The following KIRREL3 variants were observed in gnomAD, a reference collection of about 807,000 sequenced individuals.
The protein encoded by KIRREL3 is kirre like nephrin family adhesion molecule 3.
KIRREL3 carries 36 observed loss-of-function variants against 89.7 expected under a neutral mutation model. The observed-to-expected ratio is 0.40, with a 90% CI of 0.31 to 0.53. The LOEUF (loss-of-function observed/expected upper bound fraction) is 0.53. KIRREL3 is among the 20% of genes least tolerant of loss of function. The probability of loss-of-function intolerance (pLI) is 0.49; values close to 1 mark genes in which losing one functional copy is unlikely to be tolerated. For synonymous variants in KIRREL3, 445 were observed against 441.4 expected (o/e 1.01, Z -0.10); for missense variants, 864 against 1,056.6 (o/e 0.82, Z 2.53).
intron 1 of KIRREL3, among the ~76,000 whole-genome samples, chr11:126,819,105 A>G (rs984904829): frequency 3.2e-5 from 2 of 62,884 alleles, no homozygotes; most frequent in Admixed American, 1.9e-4. Flanking sequence ...CTGGACCCCA[A>G]CCAGCCCAGT....
chr11:126,757,480 A>G (rs887730727), intron 1 of KIRREL3, among the ~76,000 whole-genome samples: 7 of 152,170 alleles, frequency 4.6e-5, no homozygotes, highest in African/African-American at 1.7e-4. Context: ...TCAAGGGCCC[A>G]GGAAAGTCAC....
chr11:126,666,229 A>AT lies in KIRREL3; in HGVS notation c.56-103318dup, dbSNP rs1945657917. Reference sequence around the variant, plus strand: ...GAATGCAATTGTCATGTGGCAAGTTATTTCAGGTTTTCTTGTTATCCTCCT... The same window carrying AT: ...GAATGCAATTGTCATGTGGCAAGTTATTTTCAGGTTTTCTTGTTATCCTCCT... On this transcript the variant is annotated intron_variant, in intron 1 of 16. Coordinates refer to ENST00000525144, the MANE Select transcript of KIRREL3 (RefSeq NM_032531.4). The surrounding 1 kb of genome is among the most constrained non-coding windows in gnomAD (Gnocchi z 4.2). Among the ~76,000 whole-genome samples the AT allele has an allele frequency of 1.3e-5, 2 of 152,292 alleles. No individual in the cohort carries two copies. Among genetic ancestry groups the AT allele is most frequent in the Middle Eastern group, 3.4e-3 (1 of 294 alleles).
In KIRREL3 at chr11:126,948,523, G is replaced by A. The variant is rs1320058878; in HGVS notation, c.55+51932C>T. On this transcript the variant is annotated intron_variant, in intron 1 of 16. Coordinates refer to ENST00000525144, the MANE Select transcript of KIRREL3 (RefSeq NM_032531.4). The surrounding 1 kb of genome is among the most constrained non-coding windows in gnomAD (Gnocchi z 4.5). ...AAGAACTAGCATAGTTCTTCCCCAGGGTTATGAGATCAAGAAAACTATGAG... is the reference window on the plus strand; with the variant it reads ...AAGAACTAGCATAGTTCTTCCCCAGAGTTATGAGATCAAGAAAACTATGAG... Among the ~76,000 whole-genome samples, 2 of 152,058 alleles carry A rather than the reference G, an allele frequency of 1.3e-5. No homozygotes were observed. The highest frequency in any genetic ancestry group is 2.9e-5 in the Non-Finnish European group (2 of 68,020).
At position 126,424,548 on chromosome 11, in the gene KIRREL3, C is replaced by T. The variant is rs750283752; in HGVS notation, c.*32G>A. On this transcript the variant is annotated 3_prime_UTR_variant, in exon 17 of 17. Transcript: ENST00000525144. ...AACCAGAACGTGCCCTGACCTCTTC[C>T]CTGGCCCGTCCCCACCCGCGGTGTG... 1.9e-6 allele frequency: 3 copies of T among 1,606,882 alleles called. No individual in the cohort carries two copies. The highest frequency in any genetic ancestry group is 2.2e-5 in the South Asian group (2 of 90,628).
rs777507643 is a variant in KIRREL3 at position 126,473,273 on chromosome 11, C to T, written c.591+36G>A. 3 of 695,190 alleles carry T rather than the reference C, an allele frequency of 4.3e-6. No homozygotes were observed. The South Asian group carries it at 8.1e-5, about 19-fold the overall frequency. 43.1% of individuals were successfully genotyped at this position (695,190 alleles called of 1,614,324 possible). A position where few individuals can be genotyped will look rare whatever the true frequency, so the allele number is the denominator to read the frequency against. ...CCCTCCCCACCCACTCCCCTTGAAG[C>T]CCGTCCACACCCACCCCCTCCCCTC... On this transcript the variant is annotated intron_variant, in intron 5 of 16. Coordinates refer to ENST00000525144, the MANE Select transcript of KIRREL3 (RefSeq NM_032531.4).
intron 1 of KIRREL3, among the ~76,000 whole-genome samples, chr11:126,648,160 C>T (rs1409643011): frequency 6.6e-6 from 1 of 152,222 alleles, no homozygotes; most frequent in African/African-American, 2.4e-5. Context: ...TATGGGCCTA[C>T]TTCCCCTTTG....
At chr11:126,845,952 AC>A (rs1437295732) in intron 1 of KIRREL3, among the ~76,000 whole-genome samples, 3 of 152,112 alleles carry the variant, frequency 2.0e-5, no homozygotes, top group African/African-American at 7.2e-5. Flanking sequence ...GAAAAAACAC[AC>A]AAAAAAAACA....
rs548528858 is a variant in KIRREL3 at position 126,529,484 on chromosome 11, G to A, written c.134-2797C>T. Among the ~76,000 whole-genome samples, 50 of 152,152 alleles carry A rather than the reference G, an allele frequency of 3.3e-4. 2 individuals are homozygous for A. In the South Asian group the frequency reaches 0.01, roughly 32 times the overall value. On this transcript the variant is annotated intron_variant, in intron 2 of 16. Coordinates refer to ENST00000525144, the MANE Select transcript of KIRREL3 (RefSeq NM_032531.4). ...GGCTGAGCGGGAGAGGGCCTTTTGA[G>A]GGGGAGCATCTCCCGATGCCATCTG...
chr11:126,486,853 C>T lies in KIRREL3; in HGVS notation c.434-13387G>A, dbSNP rs1170523713. ...GTAGCTTTAATAGCATCAAGGCAGC[C>T]ATCCTGACCCAGCAAAGGGCCAGGC... On this transcript the variant is annotated intron_variant, in intron 4 of 16. Transcript: ENST00000525144. The surrounding 1 kb of genome is among the most constrained non-coding windows in gnomAD (Gnocchi z 6.2). 2.0e-5 allele frequency among the ~76,000 whole-genome samples: 3 copies of T among 152,196 alleles called. No individual in the cohort carries two copies. The highest frequency in any genetic ancestry group is 4.4e-5 in the Non-Finnish European group (3 of 68,042).
rs1357697237 is a variant in KIRREL3, at chr11:126,954,315, G to C, written c.55+46140C>G. Among the ~76,000 whole-genome samples the C allele has an allele frequency of 6.7e-6, 1 of 149,482 alleles. No individual in the cohort carries two copies. The highest frequency in any genetic ancestry group is 2.1e-4 in the South Asian group (1 of 4,768). On this transcript the variant is annotated intron_variant, in intron 1 of 16. Transcript: ENST00000525144. This position sits in a 1 kb window ranked among gnomAD's most constrained non-coding sequence, Gnocchi z 4.1. ...AGTTGACATTTTATTTTATAGTCAC[G>C]TTAGAGTTGAGTTCAGACTTATTTT... is the stretch of plus-strand genomic sequence containing the variant.
rs1047585831 is a variant in KIRREL3, at chr11:126,976,449, C to T, written c.55+24006G>A. Among the ~76,000 whole-genome samples the T allele has an allele frequency of 2.6e-5, 4 of 152,166 alleles. No individual in the cohort carries two copies. The highest frequency in any genetic ancestry group is 9.7e-5 in the African/African-American group (4 of 41,444). ...GGAGATTTATATGTTTACCTGTCCACTGTTTCTGAATCTACTGTCATCTAC... is the reference window on the plus strand; with the variant it reads ...GGAGATTTATATGTTTACCTGTCCATTGTTTCTGAATCTACTGTCATCTAC... On this transcript the variant is annotated intron_variant, in intron 1 of 16. Coordinates refer to ENST00000525144, the MANE Select transcript of KIRREL3 (RefSeq NM_032531.4). This position sits in a 1 kb window ranked among gnomAD's most constrained non-coding sequence, Gnocchi z 4.2.
rs192693840 is a variant in KIRREL3 at position 126,641,587 on chromosome 11, C to T, written c.56-78675G>A. Among the ~76,000 whole-genome samples, 9 of 152,162 alleles carry T rather than the reference C, an allele frequency of 5.9e-5. No individual in the cohort carries two copies. The highest frequency in any genetic ancestry group is 1.3e-4 in the Admixed American group (2 of 15,288). On this transcript the variant is annotated intron_variant, in intron 1 of 16. Coordinates refer to ENST00000525144, the MANE Select transcript of KIRREL3 (RefSeq NM_032531.4). The surrounding 1 kb of genome is among the most constrained non-coding windows in gnomAD (Gnocchi z 5.0). ...ATGTCTCACCAATCCATTTACAGGT[C>T]GCAGACATTTACAACACCAGCCTCC...
chr11:126,613,478 G>C lies in KIRREL3; in HGVS notation c.56-50566C>G, dbSNP rs139928139. ...TTTTCCACCCACTCTGCAATCATTT[G>C]ATTGATGTGCAATTACCTCCCCCTG... On this transcript the variant is annotated intron_variant, in intron 1 of 16. Transcript: ENST00000525144. Among the ~76,000 whole-genome samples, 666 of 152,222 alleles carry C rather than the reference G, an allele frequency of 4.4e-3. 7 individuals are homozygous for C. The highest frequency in any genetic ancestry group is 0.015 in the African/African-American group (643 of 41,536).
chr11:126,558,500 G>C lies in KIRREL3; in HGVS notation c.133+4335C>G, dbSNP rs922915771. Among the ~76,000 whole-genome samples the C allele has an allele frequency of 6.6e-6, 1 of 152,166 alleles. No individual in the cohort carries two copies. The highest frequency in any genetic ancestry group is 2.4e-5 in the African/African-American group (1 of 41,444). On this transcript the variant is annotated intron_variant, in intron 2 of 16. Transcript: ENST00000525144. The surrounding 1 kb of genome is among the most constrained non-coding windows in gnomAD (Gnocchi z 4.0). ...AGTCTAAGAGCCCTGGGTGTCTGGAGCCCTGGGCTGTGGTCCTGGCTCTTC... is the reference window on the plus strand; with the variant it reads ...AGTCTAAGAGCCCTGGGTGTCTGGACCCCTGGGCTGTGGTCCTGGCTCTTC...
chr11:126,424,878 C>T lies in KIRREL3; in HGVS notation c.2039G>A (p.Ser680Asn). 1 of 1,612,982 alleles carries T rather than the reference C, an allele frequency of 6.2e-7. No individual in the cohort carries two copies. Among genetic ancestry groups the T allele is most frequent in the Non-Finnish European group, 8.5e-7 (1 of 1,179,042 alleles). The change falls in exon 17 of 17, where the codon AGC becomes AAC. Residue 680 changes from serine to asparagine, a missense_variant. Transcript: ENST00000525144. ...GAGGCGGCCCTGGCCGCTCAGGGTG[C>T]TGTAGATGTTGGTGAAGGACATGCC... Reference protein sequence around the residue: ...PTGMSFTNIYSTLSGQGRLYD... With the variant: ...PTGMSFTNIYNTLSGQGRLYD...
At chr11:126,504,451 A>G (rs77662864) in intron 4 of KIRREL3, among the ~76,000 whole-genome samples, 5,359 of 152,300 alleles carry the variant, frequency 0.035, 369 homozygotes, top group African/African-American at 0.12. Flanking sequence ...CGTCACTTCT[A>G]TGAGTCTTTG....
intron 4 of KIRREL3, among the ~76,000 whole-genome samples, chr11:126,504,555 C>T (rs1957964195): frequency 6.6e-6 from 1 of 152,132 alleles, no homozygotes; most frequent in Non-Finnish European, 1.5e-5. Context: ...AAAGAAAGCC[C>T]TAGACCCAGA....
rs2874773 is a variant in KIRREL3, at chr11:126,683,754, A to T, written c.56-120842T>A. 0.37 allele frequency among the ~76,000 whole-genome samples: 55,956 copies of T among 152,108 alleles called. 12,801 individuals carry two copies. The highest frequency in any genetic ancestry group is 0.82 in the East Asian group (4,223 of 5,148). On this transcript the variant is annotated intron_variant, in intron 1 of 16. Transcript: ENST00000525144. This position sits in a 1 kb window ranked among gnomAD's most constrained non-coding sequence, Gnocchi z 5.2. Reference sequence around the variant, plus strand: ...TGTCTATGAGGAGTGAATGTCTCCAATTAGGCTGCATTCAGCAGGCCTGGC... The same window carrying T: ...TGTCTATGAGGAGTGAATGTCTCCATTTAGGCTGCATTCAGCAGGCCTGGC...
chr11:126,863,448 TGTGTGTTTGAGTGC>T (rs1020082865), intron 1 of KIRREL3, among the ~76,000 whole-genome samples: 1 of 89,076 alleles, frequency 1.1e-5, no homozygotes, highest in African/African-American at 4.2e-5. Flanking sequence ...TGTGTGAGTG[TGTGTGTTTGAGTGC>T]GTGTGTGTGT....
Sources: gnomAD v4.1 joint callset for allele counts (sites outside exome capture counted in the v4.1 genomes callset) on GRCh38, gnomAD v4.1.1 for gene constraint, Gnocchi (gnomAD v3.1) non-coding constraint, MANE v1.5 for transcripts, NCBI Gene and HGNC (gene_info 2026-07-23, HGNC 2026-07-21) for gene names.